The following MYT1L variants were observed in gnomAD, a reference collection of about 807,000 sequenced individuals.
The protein encoded by MYT1L is myelin transcription factor 1 like, also known as myelin transcription factor 1-like protein.
A neutral mutation model predicts 126.7 loss-of-function variants in MYT1L; 12 were observed. The ratio of observed to expected loss-of-function variants is 0.09; its 90% CI spans 0.06 to 0.15. MYT1L has a LOEUF of 0.15. Ranked by LOEUF, MYT1L falls within the 10% of genes least tolerant of loss-of-function variation. The probability of loss-of-function intolerance (pLI) is 1.00; values close to 1 mark genes in which losing one functional copy is unlikely to be tolerated. For synonymous variants in MYT1L, 541 were observed against 604.2 expected (o/e 0.90, Z 1.53); for missense variants, 979 against 1,585.2 (o/e 0.62, Z 6.49).
intron 1 of MYT1L, among the ~76,000 whole-genome samples, chr2:2,298,793 G>C (rs970246178): frequency 6.6e-6 from 1 of 152,146 alleles, no homozygotes; most frequent in Non-Finnish European, 1.5e-5. Flanking sequence ...CACACGTCCC[G>C]CAGTGCTCAG....
intron 18 of MYT1L, among the ~76,000 whole-genome samples, chr2:1,874,442 A>G (rs538601804): frequency 2.6e-4 from 39 of 152,218 alleles, no homozygotes; most frequent in African/African-American, 8.4e-4. Context: ...CACTGGCCAG[A>G]CTTATCTCTC....
chr2:2,286,322 A>G (rs2095520160), intron 1 of MYT1L, among the ~76,000 whole-genome samples: 1 of 152,170 alleles, frequency 6.6e-6, no homozygotes, highest in African/African-American at 2.4e-5. Context: ...AGCATTTGTG[A>G]CATGCTTTGG....
At chr2:2,308,103 A>G (rs925439424) in intron 1 of MYT1L, among the ~76,000 whole-genome samples, 3 of 151,850 alleles carry the variant, frequency 2.0e-5, no homozygotes, top group Non-Finnish European at 4.4e-5. Context: ...TACTCCACCT[A>G]CACTTCAGTA....
At chr2:1,913,752 T>C (rs943060781) in intron 11 of MYT1L, among the ~76,000 whole-genome samples, 4 of 152,142 alleles carry the variant, frequency 2.6e-5, no homozygotes, top group African/African-American at 9.7e-5. Context: ...GCAAGTGCAC[T>C]TTACGCCTCT....
intron 10 of MYT1L, among the ~76,000 whole-genome samples, chr2:1,919,228 C>T (rs1204756686): frequency 6.6e-6 from 1 of 152,150 alleles, no homozygotes; most frequent in African/African-American, 2.4e-5. Flanking sequence ...TGGAAGACGA[C>T]AAGGGTATAG....
At chr2:1,850,182 C>CCCTTCCTTCCTTCCTT (rs372637443) in intron 19 of MYT1L, among the ~76,000 whole-genome samples, 62 of 76,372 alleles carry the variant, frequency 8.1e-4, no homozygotes, top group Admixed American at 1.4e-3. Flanking sequence ...CTCCCCCTCC[C>CCCTTCCTTCCTTCCTT]CCTTCCTTCC....
intron 2 of MYT1L, among the ~76,000 whole-genome samples, chr2:2,241,198 C>T (rs2094433375): frequency 6.6e-6 from 1 of 152,072 alleles, no homozygotes; most frequent in Admixed American, 6.6e-5. Flanking sequence ...CGCTTCCTGC[C>T]ATATCCAATG....
chr2:1,954,923 G>T (rs147041391), intron 8 of MYT1L, among the ~76,000 whole-genome samples: 1 of 150,242 alleles, frequency 6.7e-6, no homozygotes, highest in Non-Finnish European at 1.5e-5. Flanking sequence ...AAGAAAGAAA[G>T]AAAGAGAAAG....
At chr2:1,881,532 T>G (rs2047551187) in intron 18 of MYT1L, among the ~76,000 whole-genome samples, 1 of 152,234 alleles carries the variant, frequency 6.6e-6, no homozygotes, top group South Asian at 2.1e-4. Context: ...TTGTAGGATT[T>G]TTTTTGTAAA....
intron 4 of MYT1L, among the ~76,000 whole-genome samples, chr2:2,000,240 C>T (rs1375711055): frequency 3.3e-5 from 5 of 151,590 alleles, no homozygotes; most frequent in African/African-American, 7.3e-5. Flanking sequence ...GTCCGTCCTC[C>T]GAGCCTCTGC....
At chr2:2,236,977 C>A (rs939038258) in intron 2 of MYT1L, among the ~76,000 whole-genome samples, 1 of 152,040 alleles carries the variant, frequency 6.6e-6, no homozygotes, top group South Asian at 2.1e-4. Flanking sequence ...CCACACCCAG[C>A]TAATTTATGT....
At chr2:1,851,604 A>G (rs747060250) in intron 19 of MYT1L, 37 bp downstream of exon 19, 2 of 1,593,844 alleles carry the variant, frequency 1.3e-6, no homozygotes, top group Non-Finnish European at 8.6e-7. Context: ...TCAGTGAGAA[A>G]GAGCATTTTG....
At chr2:2,083,756 G>A (rs2076076488) in intron 3 of MYT1L, among the ~76,000 whole-genome samples, 1 of 152,170 alleles carries the variant, frequency 6.6e-6, no homozygotes, top group Non-Finnish European at 1.5e-5. Context: ...TAGAGGGGAG[G>A]GAGACCACTC....
chr2:1,924,426 G>A (rs1349314851), intron 9 of MYT1L, among the ~76,000 whole-genome samples: 1 of 152,118 alleles, frequency 6.6e-6, no homozygotes, highest in Non-Finnish European at 1.5e-5. Flanking sequence ...TAAAAATCCA[G>A]AGTAAGAAAA....
chr2:1,963,385 T>C (rs1171984503), intron 8 of MYT1L, among the ~76,000 whole-genome samples: 2 of 152,218 alleles, frequency 1.3e-5, no homozygotes, highest in Admixed American at 6.5e-5. Flanking sequence ...TTAAGGGCCT[T>C]AGAATTTTCA....
At position 1,850,138 on chromosome 2, in the gene MYT1L, TCCTTCCCTTTCCTTCC is replaced by T. The variant is rs1440348899; in HGVS notation, c.2774+1487_2774+1502del. Among the ~76,000 whole-genome samples the T allele has an allele frequency of 3.6e-3, 354 of 98,734 alleles. 2 individuals carry two copies. The highest frequency in any genetic ancestry group is 5.7e-3 in the Non-Finnish European group (283 of 49,220). 64.8% of individuals were successfully genotyped at this position (98,734 alleles called of 152,430 possible). A position where few individuals can be genotyped will look rare whatever the true frequency, so the allele number is the denominator to read the frequency against. Reference sequence around the variant, plus strand: ...CGCTCCCTTCCCTCCTGCCCCTCCCTCCTTCCCTTTCCTTCCCCTTCCCTTCCCTTCCCCTCCCCCT... The same window carrying T: ...CGCTCCCTTCCCTCCTGCCCCTCCCTCCTTCCCTTCCCTTCCCCTCCCCCT... On this transcript the variant is annotated intron_variant, in intron 19 of 24. Transcript: ENST00000647738.
At position 1,793,248 on chromosome 2, in the gene MYT1L, G is replaced by C. The variant is rs2032599131; in HGVS notation, c.3277-784C>G. On this transcript the variant is annotated intron_variant, in intron 23 of 24. Transcript: ENST00000647738. The surrounding 1 kb of genome is among the most constrained non-coding windows in gnomAD (Gnocchi z 4.6). ...CTCGCATATTCCAGAGATAATTTAA[G>C]TATCACCAAGGTCAAGGGGCTTGAG... 6.6e-6 allele frequency among the ~76,000 whole-genome samples: 1 copy of C among 152,340 alleles called. No homozygotes were observed.
intron 1 of MYT1L, among the ~76,000 whole-genome samples, chr2:2,318,504 T>A (rs2096107451): frequency 1.3e-5 from 2 of 152,156 alleles, no homozygotes; most frequent in South Asian, 4.1e-4. Context: ...TGGATGTGGA[T>A]CTCTTAGGAA....
intron 2 of MYT1L, among the ~76,000 whole-genome samples, chr2:2,191,256 T>G (rs947740513): frequency 1.3e-5 from 2 of 152,128 alleles, no homozygotes; most frequent in African/African-American, 4.8e-5. Flanking sequence ...CTGTGCCTGC[T>G]AGGATCCCTC....
Sources: gnomAD v4.1 joint callset for allele counts (sites outside exome capture counted in the v4.1 genomes callset) on GRCh38, gnomAD v4.1.1 for gene constraint, Gnocchi (gnomAD v3.1) non-coding constraint, MANE v1.5 for transcripts, NCBI Gene and HGNC (gene_info 2026-07-23, HGNC 2026-07-21) for gene names.